The following CACNG2 variants were observed in gnomAD, a reference collection of about 807,000 sequenced individuals.
CACNG2 encodes voltage-dependent calcium channel gamma-2 subunit.
In CACNG2, 3 loss-of-function variants were observed where a neutral mutation model predicts 25.9. The observed-to-expected ratio is 0.12, with a 90% CI of 0.05 to 0.30. The LOEUF (loss-of-function observed/expected upper bound fraction) is 0.30. Among genes scored for constraint, CACNG2 ranks in the 10% least tolerant of loss-of-function variants. CACNG2 has a pLI of 1.00. For synonymous variants in CACNG2, 167 were observed against 173.3 expected (o/e 0.96, Z 0.29); for missense variants, 341 against 432.5 (o/e 0.79, Z 1.88).
At chr22:36,619,113 G>C (rs540030885) in intron 1 of CACNG2, among the ~76,000 whole-genome samples, 2 of 152,144 alleles carry the variant, frequency 1.3e-5, no homozygotes, top group South Asian at 4.1e-4. Flanking sequence ...TGAGGAAACC[G>C]AGACCCAGAA....
At chr22:36,668,272 C>A (rs1367981189) in intron 1 of CACNG2, among the ~76,000 whole-genome samples, 1 of 152,246 alleles carries the variant, frequency 6.6e-6, no homozygotes, top group African/African-American at 2.4e-5. Context: ...TCCCTGCCTT[C>A]TCCCATGTAC....
At chr22:36,701,245 C>T (rs568553417) in intron 1 of CACNG2, among the ~76,000 whole-genome samples, 40 of 152,290 alleles carry the variant, frequency 2.6e-4, no homozygotes, top group African/African-American at 9.1e-4. Flanking sequence ...TCTCTGTGCA[C>T]GTCTATCTAT....
At chr22:36,605,701 G>A (rs1008834780) in intron 1 of CACNG2, among the ~76,000 whole-genome samples, 21 of 152,186 alleles carry the variant, frequency 1.4e-4, no homozygotes, top group African/African-American at 3.4e-4. Flanking sequence ...CACCTAGCTC[G>A]CTAAGAGGTA....
At chr22:36,634,679 CTTAG>C (rs1211076337) in intron 1 of CACNG2, among the ~76,000 whole-genome samples, 3 of 152,278 alleles carry the variant, frequency 2.0e-5, no homozygotes, top group Middle Eastern at 3.4e-3. Context: ...TATCCTCTTG[CTTAG>C]TTAGTTATCT....
At chr22:36,655,523 A>C (rs1214212309) in intron 1 of CACNG2, among the ~76,000 whole-genome samples, 1 of 152,116 alleles carries the variant, frequency 6.6e-6, no homozygotes, top group Non-Finnish European at 1.5e-5. Context: ...ATAGGGACCA[A>C]CTGTGTTTTA....
rs574639500 is a variant in CACNG2, at chr22:36,564,191, T to G, written c.*160A>C. 718 of 564,616 alleles carry G rather than the reference T, an allele frequency of 1.3e-3. 1 individual carries two copies. Among genetic ancestry groups the G allele is most frequent in the African/African-American group, 9.7e-3 (511 of 52,518 alleles). The allele number at this position is 564,616 out of a possible 1,614,324, so 35.0% of individuals were successfully genotyped here. Reference sequence around the variant, plus strand: ...TACTTGTTATGTTTTTTCTCTTTTTTTGTGTGTGTGTGTTTTTTTGTTTTT... The same window carrying G: ...TACTTGTTATGTTTTTTCTCTTTTTGTGTGTGTGTGTGTTTTTTTGTTTTT... On this transcript the variant is annotated 3_prime_UTR_variant, in exon 4 of 4. Coordinates refer to ENST00000300105, the MANE Select transcript of CACNG2 (RefSeq NM_006078.5). This position sits in a 1 kb window ranked among gnomAD's most constrained non-coding sequence, Gnocchi z 6.7.
chr22:36,570,194 C>T (rs575205728), intron 2 of CACNG2, among the ~76,000 whole-genome samples: 6 of 152,164 alleles, frequency 3.9e-5, no homozygotes, highest in Non-Finnish European at 8.8e-5. Flanking sequence ...GCGTCGGCTG[C>T]GGAGGGAGCT....
Position 36,564,360 on chromosome 22 carries a change from G to A in CACNG2, c.963C>T (p.Thr321=). The A allele has an allele frequency of 1.2e-6, 2 of 1,613,690 alleles. No individual in the cohort carries two copies. Among genetic ancestry groups the A allele is most frequent in the Non-Finnish European group, 1.7e-6 (2 of 1,179,806 alleles). ...GCGAGGCCCGCGGTCTTTATACGGG[G>A]GTGGTCCGGCGGTTGGCTGTGTTGG... is the stretch of plus-strand genomic sequence containing the variant. The part of the protein sequence containing the change: ...LHSNTANRRT[T]PV Residue 321 remains threonine, a synonymous_variant, in exon 4 of 4, where the codon ACC becomes ACT. Transcript: ENST00000300105. This position sits in a 1 kb window ranked among gnomAD's most constrained non-coding sequence, Gnocchi z 6.7.
intron 1 of CACNG2, among the ~76,000 whole-genome samples, chr22:36,617,159 G>T (rs756969653): frequency 1.1e-4 from 16 of 152,216 alleles, no homozygotes; most frequent in Non-Finnish European, 1.8e-4. Flanking sequence ...TGGGGGTGGG[G>T]AGATTGGTAT....
At chr22:36,579,080 T>C (rs1253531291) in intron 2 of CACNG2, among the ~76,000 whole-genome samples, 1 of 152,030 alleles carries the variant, frequency 6.6e-6, no homozygotes, top group Non-Finnish European at 1.5e-5. Flanking sequence ...AAGACCTCTC[T>C]CTTACTTCTC....
Position 36,564,761 on chromosome 22 carries a change from TGAA to T in CACNG2, c.559_561del (p.Phe187del). The T allele has an allele frequency of 6.2e-7, 1 of 1,614,198 alleles. No individual in the cohort carries two copies. Among genetic ancestry groups the T allele is most frequent in the Non-Finnish European group, 8.5e-7 (1 of 1,180,028 alleles). ...AGCACCCCGACCATCTCGGCGATGA[TGAA>T]GGACAGGGCCCCGAAGTAGAAGGAC... On this transcript the variant is annotated inframe_deletion, in exon 4 of 4. Transcript: ENST00000300105. This position sits in a 1 kb window ranked among gnomAD's most constrained non-coding sequence, Gnocchi z 6.7.
chr22:36,701,129 C>T (rs1196203727), intron 1 of CACNG2, among the ~76,000 whole-genome samples: 1 of 152,154 alleles, frequency 6.6e-6, no homozygotes, highest in African/African-American at 2.4e-5. Context: ...AACAATCCTG[C>T]AGTCCTTGCT....
At chr22:36,670,958 C>T (rs1601447409) in intron 1 of CACNG2, among the ~76,000 whole-genome samples, 1 of 148,070 alleles carries the variant, frequency 6.8e-6, no homozygotes. Flanking sequence ...CTTGCTCTCT[C>T]ACCAGGCTGG....
chr22:36,653,375 T>C (rs544321989), intron 1 of CACNG2, among the ~76,000 whole-genome samples: 1 of 131,470 alleles, frequency 7.6e-6, no homozygotes, highest in South Asian at 2.1e-4. Context: ...ATTGAAAAAT[T>C]GGGAGATGTC....
intron 1 of CACNG2, among the ~76,000 whole-genome samples, chr22:36,685,595 G>A (rs530276029): frequency 2.0e-5 from 3 of 152,222 alleles, no homozygotes; most frequent in Admixed American, 1.3e-4. Context: ...GAGGCCCATC[G>A]GGAAGCCCCA....
intron 1 of CACNG2, among the ~76,000 whole-genome samples, chr22:36,629,955 C>T (rs1936243141): frequency 6.6e-6 from 1 of 152,192 alleles, no homozygotes; most frequent in African/African-American, 2.4e-5. Flanking sequence ...CCAGGGAGTC[C>T]ATCTCAGAGA....
chr22:36,666,045 A>G (rs146567588), intron 1 of CACNG2, among the ~76,000 whole-genome samples: 1 of 152,240 alleles, frequency 6.6e-6, no homozygotes, highest in Non-Finnish European at 1.5e-5. Context: ...TTCAAAAGGA[A>G]GGCTGTTACG....
chr22:36,626,999 G>A (rs556131720), intron 1 of CACNG2, among the ~76,000 whole-genome samples: 51 of 151,864 alleles, frequency 3.4e-4, no homozygotes, highest in African/African-American at 1.2e-3. Flanking sequence ...ACTTGGCCAG[G>A]GCCACACAGA....
At chr22:36,681,566 A>G (rs1416791576) in intron 1 of CACNG2, among the ~76,000 whole-genome samples, 1 of 152,044 alleles carries the variant, frequency 6.6e-6, no homozygotes, top group Non-Finnish European at 1.5e-5. Flanking sequence ...AGCCACTTTT[A>G]TTCCAAATAT....
Sources: allele counts gnomAD v4.1 joint callset (sites outside exome capture counted in the v4.1 genomes callset), GRCh38; gene constraint gnomAD v4.1.1; non-coding constraint Gnocchi (gnomAD v3.1); transcripts MANE v1.5; gene names NCBI Gene and HGNC (gene_info 2026-07-23, HGNC 2026-07-21).